The following ACTR3C variants were observed in gnomAD, a reference collection of about 807,000 sequenced individuals.
ACTR3C encodes the protein actin related protein 3C.
Under a neutral mutation model 26.3 loss-of-function variants are expected in ACTR3C, and 18 were observed. That is an observed-to-expected ratio of 0.68 (90% CI 0.47 to 1.01). ACTR3C has a LOEUF of 1.01. ACTR3C is among the 50% of genes least tolerant of loss of function. The pLI, the probability that ACTR3C is intolerant of heterozygous loss-of-function variation, is 0.00. For synonymous variants in ACTR3C, 55 were observed against 94.5 expected (o/e 0.58, Z 2.42); for missense variants, 184 against 250.7 (o/e 0.73, Z 1.80).
the ACTR3C span, among the ~76,000 whole-genome samples, chr7:149,962,829 C>T: frequency 9.2e-5 from 14 of 152,176 alleles, no homozygotes; most frequent in African/African-American, 3.4e-4. Context: ...GGGTGCTATC[C>T]AGAAACTACG....
At chr7:149,893,088 C>T in the ACTR3C span, among the ~76,000 whole-genome samples, 2 of 152,216 alleles carry the variant, frequency 1.3e-5, no homozygotes, top group East Asian at 3.9e-4. Flanking sequence ...AATTTAACAG[C>T]TAATGAAATG....
intron 1 of ACTR3C, 176 bp downstream of exon 1, chr7:150,323,293 C>A: frequency 3.9e-6 from 1 of 257,980 alleles, no homozygotes; most frequent in Non-Finnish European, 7.7e-6. Context: ...TAACCCCTGG[C>A]GCATCCCGGA....
the ACTR3C span, among the ~76,000 whole-genome samples, chr7:149,977,811 T>C: frequency 6.6e-6 from 1 of 152,234 alleles, no homozygotes; most frequent in Non-Finnish European, 1.5e-5. Context: ...GTGACATGAC[T>C]GCATCATAGC....
chr7:149,960,247 T>C, the ACTR3C span, among the ~76,000 whole-genome samples: 1 of 151,794 alleles, frequency 6.6e-6, no homozygotes, highest in African/African-American at 2.4e-5. Context: ...GCCTGAGTAA[T>C]AAGGAAGAAG....
At chr7:150,133,245 C>G in the ACTR3C span, among the ~76,000 whole-genome samples, 3 of 152,118 alleles carry the variant, frequency 2.0e-5, no homozygotes, top group East Asian at 5.8e-4. Context: ...TTCGACGAGC[C>G]AGAGAAACAC....
the ACTR3C span, among the ~76,000 whole-genome samples, chr7:150,135,226 C>G: frequency 1.1e-3 from 161 of 152,318 alleles, no homozygotes; most frequent in Non-Finnish European, 2.0e-3. Context: ...GAGCTGAGAT[C>G]GCGCCACTGC....
chr7:150,042,194 C>T, the ACTR3C span, among the ~76,000 whole-genome samples: 2 of 25,766 alleles, frequency 7.8e-5, no homozygotes, highest in East Asian at 1.7e-3. Flanking sequence ...TGCCTCCCCC[C>T]CCCTGCGATG....
At chr7:149,931,472 A>C in the ACTR3C span, among the ~76,000 whole-genome samples, 1 of 152,170 alleles carries the variant, frequency 6.6e-6, no homozygotes, top group African/African-American at 2.4e-5. Flanking sequence ...GGGCCCTCCA[A>C]GATGACCCTT....
the ACTR3C span, among the ~76,000 whole-genome samples, chr7:150,236,958 C>A: frequency 6.6e-6 from 1 of 151,346 alleles, no homozygotes; most frequent in Non-Finnish European, 1.5e-5. Flanking sequence ...GCTATTAAAG[C>A]CTTGCAGTGG....
At chr7:149,955,163 G>T in the ACTR3C span, among the ~76,000 whole-genome samples, 71 of 152,298 alleles carry the variant, frequency 4.7e-4, 1 homozygote, top group South Asian at 0.014. Flanking sequence ...ATGCATGCTA[G>T]GTAAAACTGT....
the ACTR3C span, among the ~76,000 whole-genome samples, chr7:150,109,462 GCAATGCC>G: frequency 4.7e-4 from 71 of 151,904 alleles, 1 homozygote; most frequent in African/African-American, 1.5e-3. Context: ...CAGAGTCATG[GCAATGCC>G]CTCTTCAAAT....
the ACTR3C span, among the ~76,000 whole-genome samples, chr7:150,039,696 C>CCGG: frequency 8.0e-6 from 1 of 124,410 alleles, no homozygotes; most frequent in Non-Finnish European, 1.8e-5. Flanking sequence ...GGTCCTAAGC[C>CCGG]GGGGGGGAAG....
At chr7:150,214,572 CA>C in the ACTR3C span, among the ~76,000 whole-genome samples, 1 of 151,398 alleles carries the variant, frequency 6.6e-6, no homozygotes, top group Admixed American at 6.6e-5. Context: ...ACCTGTAAAG[CA>C]ATATAAGCTG....
chr7:149,886,402 G>C, the ACTR3C span, among the ~76,000 whole-genome samples: 1 of 152,196 alleles, frequency 6.6e-6, no homozygotes, highest in African/African-American at 2.4e-5. Flanking sequence ...TTGGAGGACG[G>C]GGGGAGGAAG....
chr7:150,041,776 A>C, the ACTR3C span, among the ~76,000 whole-genome samples: 1 of 133,246 alleles, frequency 7.5e-6, no homozygotes, highest in Non-Finnish European at 1.6e-5. Context: ...ACTGGCTCTC[A>C]GTCCCTGCCT....
the ACTR3C span, among the ~76,000 whole-genome samples, chr7:150,116,947 G>A: frequency 1.3e-5 from 2 of 151,898 alleles, no homozygotes; most frequent in Non-Finnish European, 2.9e-5. Context: ...CAGAAGCAGG[G>A]TGGGGCATCA....
At chr7:150,006,185 AATTTATTTATTT>A in the ACTR3C span, among the ~76,000 whole-genome samples, 1 of 139,016 alleles carries the variant, frequency 7.2e-6, no homozygotes, top group Non-Finnish European at 1.6e-5. Context: ...AATTGCACAG[AATTTATTTATTT>A]ATTTATTTAT....
the ACTR3C span, among the ~76,000 whole-genome samples, chr7:150,226,921 G>A: frequency 2.0e-5 from 3 of 152,022 alleles, no homozygotes; most frequent in East Asian, 3.9e-4. Flanking sequence ...TATATTTTGG[G>A]TACAAGTAAT....
At chr7:149,883,284 C>T in the ACTR3C span, among the ~76,000 whole-genome samples, 15 of 152,102 alleles carry the variant, frequency 9.9e-5, no homozygotes, top group Admixed American at 9.2e-4. Context: ...TGGACACAGT[C>T]ACTATGTACC....
Sources: gnomAD v4.1 joint callset for allele counts (sites outside exome capture counted in the v4.1 genomes callset) on GRCh38, gnomAD v4.1.1 for gene constraint, MANE v1.5 for transcripts, NCBI Gene and HGNC (gene_info 2026-07-23, HGNC 2026-07-21) for gene names.